Variants in KCNK2 observed in about 807,000 individuals in gnomAD.
KCNK2 encodes the protein potassium channel subfamily K member 2.
In KCNK2, 21 loss-of-function variants were observed where a neutral mutation model predicts 40.5. The ratio of observed to expected loss-of-function variants is 0.52; its 90% confidence interval spans 0.37 to 0.75. KCNK2 has a LOEUF of 0.75. Ranked by LOEUF, KCNK2 falls within the 30% of genes least tolerant of loss-of-function variation. The pLI, the probability that KCNK2 is intolerant of heterozygous loss-of-function variation, is 0.00. For synonymous variants in KCNK2, 191 were observed against 202.2 expected, an observed-to-expected ratio of 0.94 and a Z score of 0.47; for missense variants, 399 against 531.6, an observed-to-expected ratio of 0.75 and a Z score of 2.45.
intron 1 of KCNK2, among the ~76,000 whole-genome samples, chr1:215,050,118 A>G (rs905004559): frequency 6.6e-6 from 1 of 152,246 alleles, no homozygotes; most frequent in South Asian, 2.1e-4. Flanking sequence ...TGCTATGTTG[A>G]GTCTTCTAAC....
chr1:215,219,340 G>A (rs1216499728), intron 6 of KCNK2, among the ~76,000 whole-genome samples: 1 of 152,166 alleles, frequency 6.6e-6, no homozygotes, highest in Non-Finnish European at 1.5e-5. Flanking sequence ...TCCTGTCCAT[G>A]CCTATTTTAA....
chr1:215,160,252 A>G (rs1254041828), intron 3 of KCNK2, among the ~76,000 whole-genome samples: 1 of 152,176 alleles, frequency 6.6e-6, no homozygotes, highest in Admixed American at 6.5e-5. Flanking sequence ...GCAGAGAACT[A>G]AGGGATAAAA....
At chr1:215,057,834 A>G (rs1328977486) in intron 1 of KCNK2, among the ~76,000 whole-genome samples, 1 of 152,110 alleles carries the variant, frequency 6.6e-6, no homozygotes, top group Non-Finnish European at 1.5e-5. Context: ...AAGCTGCTTC[A>G]TCTCACCAAG....
intron 1 of KCNK2, among the ~76,000 whole-genome samples, chr1:215,046,127 T>A (rs1657758978): frequency 6.6e-6 from 1 of 152,166 alleles, no homozygotes; most frequent in Admixed American, 6.5e-5. Context: ...GACTTGTAAA[T>A]TCTAGGTCAT....
At chr1:215,171,031 A>G (rs1351584577) in intron 4 of KCNK2, among the ~76,000 whole-genome samples, 1 of 152,178 alleles carries the variant, frequency 6.6e-6, no homozygotes. Flanking sequence ...AGGAATGTCT[A>G]TGTACCCTTT....
chr1:215,098,510 C>T (rs920049950), intron 2 of KCNK2, among the ~76,000 whole-genome samples: 4 of 151,782 alleles, frequency 2.6e-5, no homozygotes, highest in Non-Finnish European at 4.4e-5. Flanking sequence ...AATTAAACGT[C>T]GAATATATTT....
At chr1:215,088,440 C>T (rs1459179035) in intron 2 of KCNK2, among the ~76,000 whole-genome samples, 1 of 152,006 alleles carries the variant, frequency 6.6e-6, no homozygotes, top group Non-Finnish European at 1.5e-5. Flanking sequence ...TAAAGTGTTT[C>T]GGTGCTCAGA....
At chr1:215,020,070 T>C (rs994594073) in intron 1 of KCNK2, among the ~76,000 whole-genome samples, 2 of 152,194 alleles carry the variant, frequency 1.3e-5, no homozygotes, top group Non-Finnish European at 2.9e-5. Flanking sequence ...ATCCCTTTTT[T>C]CCCTTGTTGA....
intron 3 of KCNK2, among the ~76,000 whole-genome samples, chr1:215,144,333 C>G (rs937643120): frequency 2.0e-5 from 3 of 152,010 alleles, no homozygotes; most frequent in Admixed American, 1.3e-4. Flanking sequence ...AGTGATGTAG[C>G]CTTTCATCTA....
At chr1:215,034,921 A>G (rs1049261523) in intron 1 of KCNK2, among the ~76,000 whole-genome samples, 6 of 152,134 alleles carry the variant, frequency 3.9e-5, no homozygotes, top group Non-Finnish European at 8.8e-5. Context: ...CCAGTCCAGC[A>G]TCACGGATTC....
upstream of KCNK2, among the ~76,000 whole-genome samples, chr1:215,078,321 T>C (rs1018445351): frequency 6.6e-6 from 1 of 152,196 alleles, no homozygotes; most frequent in African/African-American, 2.4e-5. Context: ...CAGGAGATAA[T>C]AAAACTCTTT....
At chr1:215,209,277 T>C (rs1372583297) in intron 6 of KCNK2, among the ~76,000 whole-genome samples, 1 of 110,416 alleles carries the variant, frequency 9.1e-6, no homozygotes, top group East Asian at 2.3e-4. Context: ...TATATAAATA[T>C]ACACATATTT....
chr1:215,038,655 A>T (rs947551072), intron 1 of KCNK2, among the ~76,000 whole-genome samples: 1 of 152,112 alleles, frequency 6.6e-6, no homozygotes, highest in African/African-American at 2.4e-5. Flanking sequence ...AATGGATTAT[A>T]CTTCTAGAAC....
At chr1:215,123,962 C>G in intron 2 of KCNK2, among the ~76,000 whole-genome samples, 1 of 152,156 alleles carries the variant, frequency 6.6e-6, no homozygotes, top group South Asian at 2.1e-4. Flanking sequence ...AGCAATAGAT[C>G]TTAGTGGTCT....
chr1:215,186,334 C>T (rs142303989), intron 5 of KCNK2, among the ~76,000 whole-genome samples: 16 of 151,938 alleles, frequency 1.1e-4, no homozygotes, highest in African/African-American at 3.4e-4. Context: ...GGTCTTGCTG[C>T]GGTGGGCTAT....
chr1:215,048,469 T>C, intron 1 of KCNK2, among the ~76,000 whole-genome samples: 1 of 152,204 alleles, frequency 6.6e-6, no homozygotes, highest in East Asian at 1.9e-4. Flanking sequence ...TCTGAATATA[T>C]GTCTAACACC....
intron 5 of KCNK2, among the ~76,000 whole-genome samples, chr1:215,178,543 A>C (rs1664089920): frequency 6.6e-6 from 1 of 152,038 alleles, no homozygotes. Flanking sequence ...TCAATGCCTA[A>C]TTTCTTGGGG....
chr1:215,043,141 C>T (rs1363701864), intron 1 of KCNK2, among the ~76,000 whole-genome samples: 1 of 152,052 alleles, frequency 6.6e-6, no homozygotes, highest in Non-Finnish European at 1.5e-5. Flanking sequence ...GGGAAAAAAG[C>T]AAAAATTAAG....
At chr1:215,024,969 T>C (rs895617475) in intron 1 of KCNK2, among the ~76,000 whole-genome samples, 1 of 141,930 alleles carries the variant, frequency 7.0e-6, no homozygotes, top group Non-Finnish European at 1.5e-5. Flanking sequence ...TTTTTTTAAC[T>C]GAGATAAAAC....
Sources: gnomAD v4.1 joint callset for allele counts (sites outside exome capture counted in the v4.1 genomes callset) on GRCh38, gnomAD v4.1.1 for gene constraint, MANE v1.5 for transcripts, NCBI Gene and HGNC (gene_info 2026-07-23, HGNC 2026-07-21) for gene names.